OSBPL2: variants seen among roughly 807,000 people sequenced by gnomAD.
The protein encoded by OSBPL2 is oxysterol binding protein like 2, also known as oxysterol-binding protein-related protein 2.
OSBPL2 carries 18 observed loss-of-function variants against 58.4 expected under a neutral mutation model. The ratio of observed to expected loss-of-function variants is 0.31; its 90% CI spans 0.21 to 0.46. The LOEUF is 0.46. Among genes scored for constraint, OSBPL2 ranks in the 20% least tolerant of loss-of-function variants. The pLI is 1.00. For synonymous variants in OSBPL2, 221 were observed against 234.1 expected (o/e 0.94, Z 0.51); for missense variants, 461 against 616.5 (o/e 0.75, Z 2.67).
chr20:62,284,225 G>C lies in OSBPL2; in HGVS notation c.996+56G>C, dbSNP rs751794019. On this transcript the variant is annotated intron_variant, in intron 10 of 13. Coordinates refer to ENST00000313733, the MANE Select transcript of OSBPL2 (RefSeq NM_144498.4). ...GAGCCCTGGGTGCTGAGGGCTGCCA[G>C]GCCGCTGCTGCCTTTAGCTCACCTG... 3.7e-5 allele frequency: 59 copies of C among 1,611,132 alleles called. No individual in the cohort carries two copies. In the African/African-American group the frequency reaches 6.4e-4, roughly 17 times the overall value.
intron 6 of OSBPL2, among the ~76,000 whole-genome samples, chr20:62,275,875 C>A (rs1211177198): frequency 6.6e-6 from 1 of 151,476 alleles, no homozygotes; most frequent in African/African-American, 2.4e-5. Context: ...TGTTTTGGGG[C>A]CCTTTATTGT....
chr20:62,293,715 C>A, intron 13 of OSBPL2, 70 bp from the exon 14 acceptor site: 3 of 1,396,568 alleles, frequency 2.1e-6, no homozygotes, highest in South Asian at 1.3e-5. Context: ...CACACTCCTG[C>A]ACCCAGAACA....
chr20:62,262,050 A>G (rs1247596163), intron 3 of OSBPL2, among the ~76,000 whole-genome samples: 1 of 151,108 alleles, frequency 6.6e-6, no homozygotes, highest in African/African-American at 2.4e-5. Flanking sequence ...CACCATGCCC[A>G]GCCCAGAGGC....
In OSBPL2 at chr20:62,256,042, T is replaced by A. The variant is rs1980898493; in HGVS notation, c.-128-15T>A. ...CTTCTGGAAGCTAAGTATGCCAAAA[T>A]TTTTTTCCCTTTAGATCTTCAGTGT... On this transcript the variant is annotated splice_polypyrimidine_tract_variant and intron_variant, in intron 1 of 13. Coordinates refer to ENST00000313733, the MANE Select transcript of OSBPL2 (RefSeq NM_144498.4). 3.3e-6 allele frequency: 3 copies of A among 904,118 alleles called. No homozygotes were observed. The highest frequency in any genetic ancestry group is 4.9e-6 in the Non-Finnish European group (3 of 615,174). 56.0% of individuals were successfully genotyped at this position (904,118 alleles called of 1,614,324 possible). A position where few individuals can be genotyped will look rare whatever the true frequency, so the allele number is the denominator to read the frequency against.
At chr20:62,253,733 G>A (rs1212891617) in intron 1 of OSBPL2, among the ~76,000 whole-genome samples, 1 of 144,318 alleles carries the variant, frequency 6.9e-6, no homozygotes, top group East Asian at 2.2e-4. Flanking sequence ...AGAAGGAGGG[G>A]GAGGCAAAGG....
At chr20:62,291,240 T>A (rs1413124758) in intron 12 of OSBPL2, 6 of 133,146 alleles carry the variant, frequency 4.5e-5, no homozygotes, top group Non-Finnish European at 8.1e-5. Flanking sequence ...ATGCTTTGTA[T>A]TCAGAATGTG....
At chr20:62,274,449 T>G (rs1334919464) in intron 6 of OSBPL2, among the ~76,000 whole-genome samples, 1 of 152,172 alleles carries the variant, frequency 6.6e-6, no homozygotes, top group Non-Finnish European at 1.5e-5. Context: ...CATTCTCTTG[T>G]AGATGCATGC....
At chr20:62,255,323 C>A (rs1456325576) in intron 1 of OSBPL2, 1 of 151,578 alleles carries the variant, frequency 6.6e-6, no homozygotes, top group Non-Finnish European at 1.5e-5. Flanking sequence ...GTCTCTGAAC[C>A]CCTGACCTCA....
At chr20:62,271,073 C>A (rs1315487818) in intron 4 of OSBPL2, among the ~76,000 whole-genome samples, 2 of 152,082 alleles carry the variant, frequency 1.3e-5, no homozygotes, top group Admixed American at 1.3e-4. Context: ...CCCTCTCCCT[C>A]TGCCTCTGCT....
At chr20:62,273,155 A>G (rs909900033) in intron 5 of OSBPL2, among the ~76,000 whole-genome samples, 154 bp from the exon 6 acceptor site, 2 of 151,578 alleles carry the variant, frequency 1.3e-5, no homozygotes, top group Non-Finnish European at 3.0e-5. Context: ...TGGAAGTCCT[A>G]TAATCTCAGA....
chr20:62,273,427 C>G, intron 6 of OSBPL2, 21 bp downstream of exon 6: 1 of 1,515,492 alleles, frequency 6.6e-7, no homozygotes, highest in Non-Finnish European at 9.1e-7. Context: ...AAAGGCCCAT[C>G]ATAAATATCT....
chr20:62,259,900 G>A (rs1601164393), intron 2 of OSBPL2, 81 bp from the exon 3 acceptor site: 2 of 1,297,618 alleles, frequency 1.5e-6, no homozygotes, highest in East Asian at 4.6e-5. Flanking sequence ...TCACCTGCTT[G>A]CATAGTCAGA....
intron 7 of OSBPL2, 55 bp downstream of exon 7, chr20:62,279,394 G>A: frequency 1.3e-6 from 2 of 1,557,764 alleles, no homozygotes; most frequent in Non-Finnish European, 1.8e-6. Flanking sequence ...TGAAATGGGT[G>A]CTGGTGATGT....
chr20:62,254,521 A>G (rs1215464919), intron 1 of OSBPL2, among the ~76,000 whole-genome samples: 2 of 152,206 alleles, frequency 1.3e-5, no homozygotes, highest in African/African-American at 4.8e-5. Flanking sequence ...GGAGGGAGGA[A>G]CCGGGAGACA....
chr20:62,273,243 A>AG, intron 5 of OSBPL2, 66 bp from the exon 6 acceptor site: 1 of 1,286,528 alleles, frequency 7.8e-7, no homozygotes, highest in Non-Finnish European at 1.1e-6. Context: ...CCTCCACAAG[A>AG]GGCCATCTTC....
intron 2 of OSBPL2, among the ~76,000 whole-genome samples, chr20:62,256,636 G>A (rs1223210586): frequency 6.6e-6 from 1 of 152,140 alleles, no homozygotes; most frequent in African/African-American, 2.4e-5. Context: ...TTTTTCTTTC[G>A]CACGATGGTT....
At chr20:62,247,232 G>T (rs1176427885) in intron 1 of OSBPL2, among the ~76,000 whole-genome samples, 1 of 152,216 alleles carries the variant, frequency 6.6e-6, no homozygotes, top group Non-Finnish European at 1.5e-5. Flanking sequence ...TGTGCACGTC[G>T]GCTTGAGTGA....
chr20:62,267,041 CG>C (rs1360875530), intron 4 of OSBPL2, among the ~76,000 whole-genome samples: 2 of 152,300 alleles, frequency 1.3e-5, no homozygotes, highest in African/African-American at 4.8e-5. Context: ...CTCGAGGCTA[CG>C]GGTTCAGAAC....
At chr20:62,249,995 T>C (rs932931769) in intron 1 of OSBPL2, among the ~76,000 whole-genome samples, 1 of 152,208 alleles carries the variant, frequency 6.6e-6, no homozygotes, top group East Asian at 1.9e-4. Context: ...CACACCCTGG[T>C]CCTCCTGTCT....
Sources: allele counts gnomAD v4.1 joint callset (sites outside exome capture counted in the v4.1 genomes callset), GRCh38; gene constraint gnomAD v4.1.1; transcripts MANE v1.5; gene names NCBI Gene and HGNC (gene_info 2026-07-23, HGNC 2026-07-21).